POLR3E: variants seen among roughly 807,000 people sequenced by gnomAD.
POLR3E encodes the protein DNA-directed RNA polymerase III subunit RPC5.
In POLR3E, 41 loss-of-function variants were observed where a neutral mutation model predicts 96.6. The ratio of observed to expected loss-of-function variants is 0.42; its 90% confidence interval spans 0.33 to 0.55. POLR3E has a LOEUF of 0.55. Among genes scored for constraint, POLR3E ranks in the 20% least tolerant of loss-of-function variants. POLR3E has a pLI of 0.06. For missense variants in POLR3E, 849 were observed against 952.1 expected, an observed-to-expected ratio of 0.89 and a Z score of 1.43; for synonymous variants, 396 against 383.6, an observed-to-expected ratio of 1.03 and a Z score of -0.38.
rs915881605 is a variant in POLR3E, at chr16:22,325,222, A to G, written c.1304A>G (p.Asn435Ser). ...CTTTTCAGACTGGAAAAAGTCTATA[A>G]TCTTGTAAAGGAAACCATGCCAAAG... Reference protein sequence around the residue: ...GIQAKLEKVYNLVKETMPKKP... With the variant: ...GIQAKLEKVYSLVKETMPKKP... The change falls in exon 17 of 21, where the codon AAT becomes AGT. Residue 435 changes from asparagine (N) to serine (S), a missense_variant. By Grantham distance (46) the Asn-to-Ser change is conservative. Transcript: ENST00000299853. 4 of 1,613,564 alleles carry G rather than the reference A, an allele frequency of 2.5e-6. No individual in the cohort carries two copies. Among genetic ancestry groups the G allele is most frequent in the Non-Finnish European group, 3.4e-6 (4 of 1,179,536 alleles).
intron 3 of POLR3E, among the ~76,000 whole-genome samples, chr16:22,305,920 CCA>C (rs1383385391): frequency 2.0e-5 from 3 of 152,184 alleles, no homozygotes; most frequent in African/African-American, 7.2e-5. Context: ...AATTTACACA[CCA>C]CACAGTTTCC....
intron 1 of POLR3E, among the ~76,000 whole-genome samples, chr16:22,297,999 C>G (rs187086076): frequency 1.3e-5 from 2 of 152,218 alleles, no homozygotes; most frequent in East Asian, 1.9e-4. Flanking sequence ...CTGCGCCTGC[C>G]GGAGCCCCCA....
chr16:22,328,463 C>G, intron 18 of POLR3E, 47 bp from the exon 19 acceptor site: 1 of 1,505,768 alleles, frequency 6.6e-7, no homozygotes, highest in Non-Finnish European at 9.2e-7. Flanking sequence ...GCAAATGGAT[C>G]CATGGGGTAG....
chr16:22,323,606 C>G (rs868677638), intron 14 of POLR3E, among the ~76,000 whole-genome samples: 43 of 152,132 alleles, frequency 2.8e-4, no homozygotes, highest in Non-Finnish European at 5.0e-4. Context: ...TCTTCTCTTC[C>G]TGAAGGAGCC....
At chr16:22,299,483 G>A (rs965698068) in intron 1 of POLR3E, among the ~76,000 whole-genome samples, 7 of 147,724 alleles carry the variant, frequency 4.7e-5, no homozygotes, top group Admixed American at 4.1e-4. Context: ...GCAAGATCTC[G>A]GCTCACTGCA....
chr16:22,299,696 G>A lies in POLR3E; in HGVS notation c.-39+2159G>A, dbSNP rs188706962. On this transcript the variant is annotated intron_variant, in intron 1 of 20. Transcript: ENST00000299853. Reference sequence around the variant, plus strand: ...CCCAAAGTGCTGGGATTACAGGTGTGAGCCACCGTGCCTGGCTTTGTTTTC... The same window carrying A: ...CCCAAAGTGCTGGGATTACAGGTGTAAGCCACCGTGCCTGGCTTTGTTTTC... Among the ~76,000 whole-genome samples, 496 of 152,178 alleles carry A rather than the reference G, an allele frequency of 3.3e-3. 2 individuals are homozygous for A. Among genetic ancestry groups the A allele is most frequent in the Middle Eastern group, 6.8e-3 (2 of 294 alleles).
Position 22,314,133 on chromosome 16 carries a change from GC to G in POLR3E, c.522+8del. On this transcript the variant is annotated splice_donor_region_variant and intron_variant, in intron 8 of 20. Transcript: ENST00000299853. Reference sequence around the variant, plus strand: ...GACGATGTTAAGCAGATCACGGTGAGCCCTGGCCCCTGGAGGAGGAGGGTGC... The same window carrying G: ...GACGATGTTAAGCAGATCACGGTGAGCCTGGCCCCTGGAGGAGGAGGGTGC... The G allele has an allele frequency of 3.1e-6, 5 of 1,613,384 alleles. No homozygotes were observed. Among genetic ancestry groups the G allele is most frequent in the Non-Finnish European group, 4.2e-6 (5 of 1,179,468 alleles).
intron 1 of POLR3E, chr16:22,298,825 A>G (rs2047961271): frequency 2.7e-6 from 1 of 365,144 alleles, no homozygotes; most frequent in Admixed American, 3.4e-5. Flanking sequence ...TTTGTACTAT[A>G]TTGAGTGTCA....
Position 22,313,723 on chromosome 16 carries a change from C to G in POLR3E, c.468C>G (p.Asn156Lys). 1 of 1,607,078 alleles carries G rather than the reference C, an allele frequency of 6.2e-7. No individual in the cohort carries two copies. The highest frequency in any genetic ancestry group is 8.5e-7 in the Non-Finnish European group (1 of 1,175,558). The change falls in exon 7 of 21, where the codon AAC becomes AAG. Residue 156 changes from asparagine to lysine, a missense_variant. Physicochemically the swap from Asn to Lys is moderately conservative, Grantham distance 94. Transcript: ENST00000299853. The surrounding 1 kb of genome is among the most constrained non-coding windows in gnomAD (Gnocchi z 4.1). ...AGCACCGGGAGAGGGAGGCGGCCAA[C>G]GAGGGTGAGCCCGGGATCCCCAGCC... ...DAKHREREAA[N>K]EAGDSSQDEA... is the part of the protein sequence containing the mutation.
intron 13 of POLR3E, among the ~76,000 whole-genome samples, chr16:22,321,773 TA>T (rs2048475704): frequency 6.6e-6 from 1 of 152,180 alleles, no homozygotes. Context: ...GACTGGAAGG[TA>T]GGGACTTGGG....
intron 3 of POLR3E, among the ~76,000 whole-genome samples, chr16:22,305,710 C>T (rs2048120036): frequency 6.6e-6 from 1 of 152,148 alleles, no homozygotes; most frequent in African/African-American, 2.4e-5. Flanking sequence ...GCCCTCAGTC[C>T]TGCCAGCTGC....
chr16:22,326,481 G>A, intron 18 of POLR3E: 1 of 622,654 alleles, frequency 1.6e-6, no homozygotes, highest in East Asian at 2.8e-5. Context: ...TCACAGGACT[G>A]TGGTAGGGGC....
chr16:22,311,251 G>C (rs1434594395), intron 6 of POLR3E, among the ~76,000 whole-genome samples: 3 of 147,044 alleles, frequency 2.0e-5, no homozygotes, highest in Non-Finnish European at 4.5e-5. Flanking sequence ...TTATAGGCAT[G>C]AGCCACTGTG....
chr16:22,323,614 G>A (rs975724326), intron 14 of POLR3E, among the ~76,000 whole-genome samples: 22 of 152,120 alleles, frequency 1.4e-4, no homozygotes, highest in South Asian at 2.1e-4. Flanking sequence ...TCCTGAAGGA[G>A]CCTCCCCAAC....
At chr16:22,312,014 T>A (rs1438431739) in intron 6 of POLR3E, among the ~76,000 whole-genome samples, 2 of 152,180 alleles carry the variant, frequency 1.3e-5, no homozygotes, top group Non-Finnish European at 2.9e-5. Context: ...GTATCCCTAT[T>A]GTTAAGTGAT....
chr16:22,328,651 C>T (rs1269260256), intron 19 of POLR3E, 64 bp downstream of exon 19: 2 of 1,358,616 alleles, frequency 1.5e-6, no homozygotes, highest in Non-Finnish European at 2.1e-6. Flanking sequence ...CGTTGGAGGC[C>T]TTGGGGGACA....
chr16:22,316,423 C>T (rs893887990), intron 9 of POLR3E, among the ~76,000 whole-genome samples, 178 bp from the exon 10 acceptor site: 1 of 152,158 alleles, frequency 6.6e-6, no homozygotes, highest in African/African-American at 2.4e-5. Context: ...CTGGGCAGGT[C>T]ATAAGGCCAG....
rs756752910 is a variant in POLR3E, at chr16:22,319,405, G to GT, written c.986+470dup. On this transcript the variant is annotated intron_variant, in intron 13 of 20. Transcript: ENST00000299853. ...CATTTAAACTGTTTTTTGTTTTTTTGTTTTTTTTTTTGAGACAGAGTCTCG... is the reference window on the plus strand; with the variant it reads ...CATTTAAACTGTTTTTTGTTTTTTTGTTTTTTTTTTTTGAGACAGAGTCTCG... 8.6e-3 allele frequency among the ~76,000 whole-genome samples: 1,244 copies of GT among 144,604 alleles called. 14 individuals are homozygous for GT. The highest frequency in any genetic ancestry group is 0.021 in the Middle Eastern group (6 of 282). 94.9% of individuals were successfully genotyped at this position (144,604 alleles called of 152,430 possible).
chr16:22,309,124 T>A, intron 5 of POLR3E, 84 bp downstream of exon 5: 1 of 948,322 alleles, frequency 1.1e-6, no homozygotes, highest in Non-Finnish European at 1.6e-6. Context: ...TGACCCCCTT[T>A]GCCCCGTCAC....
Sources: gnomAD v4.1 joint callset for allele counts (sites outside exome capture counted in the v4.1 genomes callset) on GRCh38, gnomAD v4.1.1 for gene constraint, Gnocchi (gnomAD v3.1) non-coding constraint, MANE v1.5 for transcripts, NCBI Gene and HGNC (gene_info 2026-07-23, HGNC 2026-07-21) for gene names.